The following XRN2 variants were observed in gnomAD, a reference collection of about 807,000 sequenced individuals.
XRN2 encodes the protein DHM1-like protein.
Under a neutral mutation model 138.5 loss-of-function variants are expected in XRN2, and 44 were observed. The observed-to-expected ratio is 0.32, with a 90% CI of 0.25 to 0.41. The LOEUF (loss-of-function observed/expected upper bound fraction) is 0.41, where lower values mean the gene tolerates loss of function less well. Ranked by LOEUF, XRN2 falls within the 10% of genes least tolerant of loss-of-function variation. The pLI is 1.00. For missense variants in XRN2, 937 were observed against 1,169.3 expected (o/e 0.80, Z 2.90); for synonymous variants, 354 against 369.4 (o/e 0.96, Z 0.48).
intron 16 of XRN2, among the ~76,000 whole-genome samples, chr20:21,345,449 T>G (rs2038424186): frequency 6.6e-6 from 1 of 152,132 alleles, no homozygotes; most frequent in Non-Finnish European, 1.5e-5. Context: ...AGGGGCAGAT[T>G]AAAATTGATA....
intron 1 of XRN2, 113 bp downstream of exon 1, chr20:21,303,586 C>A: frequency 7.2e-7 from 1 of 1,391,108 alleles, no homozygotes; most frequent in Non-Finnish European, 9.3e-7. Flanking sequence ...AGCTCGCGCC[C>A]TGCTGCCAGC....
At chr20:21,310,978 C>T (rs1487118356) in intron 1 of XRN2, among the ~76,000 whole-genome samples, 1 of 151,976 alleles carries the variant, frequency 6.6e-6, no homozygotes, top group Non-Finnish European at 1.5e-5. Flanking sequence ...GTCTTGATCT[C>T]CTGACCTCGT....
chr20:21,363,318 A>T (rs944652266), intron 24 of XRN2, among the ~76,000 whole-genome samples: 4 of 152,126 alleles, frequency 2.6e-5, no homozygotes, highest in Non-Finnish European at 5.9e-5. Flanking sequence ...TAGGTATTCT[A>T]ATAGTTTGGC....
chr20:21,361,884 A>C (rs1409524731), intron 24 of XRN2, among the ~76,000 whole-genome samples: 1 of 152,214 alleles, frequency 6.6e-6, no homozygotes, highest in East Asian at 1.9e-4. Flanking sequence ...TTTGGGAACA[A>C]ATTAAGATAC....
At chr20:21,311,091 T>C (rs2037875112) in intron 1 of XRN2, among the ~76,000 whole-genome samples, 1 of 152,210 alleles carries the variant, frequency 6.6e-6, no homozygotes, top group Non-Finnish European at 1.5e-5. Context: ...CTCTGCCCCC[T>C]CTTTTTATTG....
chr20:21,344,937 C>G (rs187213696), intron 16 of XRN2, among the ~76,000 whole-genome samples: 2 of 152,274 alleles, frequency 1.3e-5, no homozygotes, highest in African/African-American at 4.8e-5. Flanking sequence ...CGATCTATTT[C>G]AAAGGTAAAC....
At chr20:21,347,326 CT>C (rs1337970062) in intron 17 of XRN2, among the ~76,000 whole-genome samples, 1 of 152,102 alleles carries the variant, frequency 6.6e-6, no homozygotes, top group Non-Finnish European at 1.5e-5. Flanking sequence ...TGTATCCTAC[CT>C]TTTGATAATT....
At chr20:21,358,363 A>G (rs2038599339) in intron 24 of XRN2, among the ~76,000 whole-genome samples, 1 of 152,220 alleles carries the variant, frequency 6.6e-6, no homozygotes, top group Non-Finnish European at 1.5e-5. Context: ...TATTGAGTAA[A>G]AATAATATAA....
rs187794880 is a variant in XRN2, at chr20:21,363,266, C to T, written c.2256-2155C>T. Among the ~76,000 whole-genome samples the T allele has an allele frequency of 7.0e-4, 107 of 152,188 alleles. No homozygotes were observed. The East Asian group carries it at 0.018, about 26-fold the overall frequency. On this transcript the variant is annotated intron_variant, in intron 24 of 29. Transcript: ENST00000377191. ...AAGGGGAGGCAGGCTTGATGCCTGG[C>T]GGTGTGCATAACCTCCCTCCCACCG...
intron 6 of XRN2, among the ~76,000 whole-genome samples, 188 bp from the exon 7 acceptor site, chr20:21,331,373 T>C (rs1404112933): frequency 6.7e-6 from 1 of 149,336 alleles, no homozygotes; most frequent in Non-Finnish European, 1.5e-5. Context: ...TTCAGAAAAT[T>C]TTCAGTGAAG....
chr20:21,309,384 G>C (rs1462797341), intron 1 of XRN2, among the ~76,000 whole-genome samples: 2 of 152,094 alleles, frequency 1.3e-5, no homozygotes, highest in Non-Finnish European at 2.9e-5. Context: ...TTTTGGATGA[G>C]CTTTTTTAGT....
At chr20:21,312,763 C>T (rs1019161058) in intron 1 of XRN2, among the ~76,000 whole-genome samples, 3 of 152,026 alleles carry the variant, frequency 2.0e-5, no homozygotes, top group African/African-American at 4.8e-5. Flanking sequence ...TGCACCATGA[C>T]GCCTGGCTAA....
chr20:21,364,933 C>A (rs1427752662), intron 24 of XRN2, among the ~76,000 whole-genome samples: 3 of 151,750 alleles, frequency 2.0e-5, no homozygotes, highest in African/African-American at 7.3e-5. Context: ...TTTGTTAAGT[C>A]CATCCCCCCC....
chr20:21,331,457 C>G, intron 6 of XRN2, 104 bp from the exon 7 acceptor site: 2 of 924,084 alleles, frequency 2.2e-6, no homozygotes, highest in Non-Finnish European at 3.4e-6. Flanking sequence ...AGAAAATTTT[C>G]CCGTAACACT....
chr20:21,368,263 G>A (rs1052795380), intron 26 of XRN2, among the ~76,000 whole-genome samples, 200 bp from the exon 27 acceptor site: 3 of 152,212 alleles, frequency 2.0e-5, no homozygotes, highest in Non-Finnish European at 4.4e-5. Flanking sequence ...GAGTCTTGGT[G>A]TGGCAGATGA....
chr20:21,319,079 T>A (rs1230866324), intron 1 of XRN2, among the ~76,000 whole-genome samples: 1 of 152,154 alleles, frequency 6.6e-6, no homozygotes, highest in East Asian at 1.9e-4. Context: ...CACCTGTATT[T>A]TTAATTGTTA....
intron 27 of XRN2, among the ~76,000 whole-genome samples, chr20:21,377,843 C>T (rs2038842899): frequency 6.6e-6 from 1 of 152,134 alleles, no homozygotes; most frequent in Non-Finnish European, 1.5e-5. Context: ...GCTATGAGGG[C>T]AGAGAGGTAC....
intron 13 of XRN2, among the ~76,000 whole-genome samples, chr20:21,335,739 A>G (rs2038278120): frequency 6.6e-6 from 1 of 152,242 alleles, no homozygotes; most frequent in Admixed American, 6.5e-5. Flanking sequence ...CTTGAGTTAC[A>G]GTAGCTTCTA....
intron 3 of XRN2, among the ~76,000 whole-genome samples, chr20:21,327,574 T>C (rs1319716552): frequency 1.3e-5 from 2 of 152,226 alleles, no homozygotes; most frequent in Admixed American, 6.5e-5. Context: ...ATGTCTTGTT[T>C]AGAGCACATT....
Sources: allele counts gnomAD v4.1 joint callset (sites outside exome capture counted in the v4.1 genomes callset), GRCh38; gene constraint gnomAD v4.1.1; transcripts MANE v1.5; gene names NCBI Gene and HGNC (gene_info 2026-07-23, HGNC 2026-07-21).